Variants in NEMP1 observed in about 807,000 individuals in gnomAD.
The protein encoded by NEMP1 is nuclear envelope integral membrane protein 1.
A neutral mutation model predicts 53.7 loss-of-function variants in NEMP1; 29 were observed. The ratio of observed to expected loss-of-function variants is 0.54; its 90% CI spans 0.40 to 0.74. The LOEUF (loss-of-function observed/expected upper bound fraction) is 0.74. Among genes scored for constraint, NEMP1 ranks in the 30% least tolerant of loss-of-function variants. NEMP1 has a pLI of 0.00. For missense variants in NEMP1, 477 were observed against 528.6 expected (o/e 0.90, Z 0.96); for synonymous variants, 193 against 192.9 (o/e 1.00, Z 0.00).
intron 1 of NEMP1, among the ~76,000 whole-genome samples, chr12:57,086,591 T>G (rs2033001791): frequency 6.6e-6 from 1 of 152,154 alleles, no homozygotes; most frequent in Non-Finnish European, 1.5e-5. Context: ...GGTCTCCGTC[T>G]TTGTCTTTGC....
chr12:57,063,343 A>G lies in NEMP1; in HGVS notation c.756T>C (p.Ser252=), dbSNP rs2031914073. ...TCATGAATCCAACTGTGAGGACATA[A>G]CCTATGAGAAGAGTTATCAGAAGAC... ...IWRCYWQYLL[S]YVLTVGFMSF... Residue 252 remains serine, a splice_region_variant and synonymous_variant, in exon 7 of 9, where the codon AGT becomes AGC. Coordinates refer to ENST00000300128, the MANE Select transcript of NEMP1 (RefSeq NM_001130963.2). The G allele has an allele frequency of 6.2e-7, 1 of 1,612,750 alleles. No individual in the cohort carries two copies. The highest frequency in any genetic ancestry group is 1.3e-5 in the African/African-American group (1 of 74,920).
upstream of NEMP1, among the ~76,000 whole-genome samples, chr12:57,082,959 T>C (rs2136528773): frequency 6.6e-6 from 1 of 152,206 alleles, no homozygotes; most frequent in Non-Finnish European, 1.5e-5. Context: ...AAGTCAAGAC[T>C]GCAATGAGCT....
intron 4 of NEMP1, among the ~76,000 whole-genome samples, chr12:57,065,521 C>CA (rs2032028516): frequency 7.4e-6 from 1 of 134,986 alleles, no homozygotes. Flanking sequence ...CTTGGTTCAT[C>CA]TTTTTTTTTT....
Position 57,073,117 on chromosome 12 carries a change from C to A in NEMP1, c.128-205G>T, listed in dbSNP as rs1592512996. On this transcript the variant is annotated intron_variant, in intron 1 of 8. Transcript: ENST00000300128. ...TTTAATTATTTAAATATTACACAGT[C>A]ATTCAGTCAGAAAAGTAATAATAAA... Among the ~76,000 whole-genome samples the A allele has an allele frequency of 2.0e-5, 3 of 151,418 alleles. No homozygotes were observed. The South Asian group carries it at 6.3e-4, about 32-fold the overall frequency.
At chr12:57,064,458 A>G (rs2031976128) in intron 5 of NEMP1, among the ~76,000 whole-genome samples, 188 bp downstream of exon 5, 2 of 152,214 alleles carry the variant, frequency 1.3e-5, no homozygotes, top group South Asian at 4.1e-4. Flanking sequence ...AGGATTTTAT[A>G]TAAAAAGAAA....
At chr12:57,085,984 C>T (rs1248818627) in intron 1 of NEMP1, among the ~76,000 whole-genome samples, 1 of 152,098 alleles carries the variant, frequency 6.6e-6, no homozygotes, top group East Asian at 1.9e-4. Flanking sequence ...TCCTGGATTT[C>T]GGCTGAAACA....
In NEMP1 at chr12:57,078,698, C is replaced by T; in HGVS notation, c.48G>A (p.Gly16=). 6.2e-7 allele frequency: 1 copy of T among 1,613,510 alleles called. No homozygotes were observed. Among genetic ancestry groups the T allele is most frequent in the South Asian group, 1.1e-5 (1 of 90,968 alleles). The part of the protein sequence containing the change: ...KVAVSPAVGP[G]PWGSGVGGGG... Reference sequence around the variant, plus strand: ...CGCCCCCGACTCCCGAGCCCCAGGGCCCGGGACCAACTGCCGGCGAGACCG... The same window carrying T: ...CGCCCCCGACTCCCGAGCCCCAGGGTCCGGGACCAACTGCCGGCGAGACCG... The change falls in exon 1 of 9, where the codon GGG becomes GGA. Residue 16 remains glycine (G), a synonymous_variant. Transcript: ENST00000300128.
At chr12:57,078,345 GCTTCT>G (rs1373533402) in intron 1 of NEMP1, among the ~76,000 whole-genome samples, 2 of 152,096 alleles carry the variant, frequency 1.3e-5, no homozygotes, top group African/African-American at 4.8e-5. Context: ...CCCCAGGACT[GCTTCT>G]CAACCAGTCT....
chr12:57,072,157 G>A (rs1249856643), intron 2 of NEMP1, among the ~76,000 whole-genome samples: 1 of 152,174 alleles, frequency 6.6e-6, no homozygotes, highest in East Asian at 1.9e-4. Context: ...AAAGAAGGGG[G>A]CTGGGTGCGA....
intron 1 of NEMP1, among the ~76,000 whole-genome samples, chr12:57,084,450 A>C (rs1483144367): frequency 6.6e-6 from 1 of 152,104 alleles, no homozygotes; most frequent in East Asian, 1.9e-4. Context: ...CCCCTCAGCC[A>C]ATCAATCAAG....
At chr12:57,082,536 G>GAA (rs1323478956), upstream of NEMP1, among the ~76,000 whole-genome samples, 5 of 149,238 alleles carry the variant, frequency 3.4e-5, no homozygotes, top group South Asian at 2.1e-4. Flanking sequence ...AACATAGTAG[G>GAA]ACTCTGTCTT....
At chr12:57,060,974 C>T in intron 7 of NEMP1, 29 bp from the exon 8 acceptor site, 1 of 1,605,010 alleles carries the variant, frequency 6.2e-7, no homozygotes, top group Non-Finnish European at 8.5e-7. Flanking sequence ...CATTATGAAT[C>T]ATTAATCAGT....
chr12:57,063,924 G>C, intron 6 of NEMP1, 147 bp downstream of exon 6: 1 of 533,450 alleles, frequency 1.9e-6, no homozygotes, highest in South Asian at 2.3e-5. Context: ...AGAGGGATTA[G>C]AAATAAGTGA....
At chr12:57,077,747 T>C (rs1488637694) in intron 1 of NEMP1, among the ~76,000 whole-genome samples, 3 of 152,116 alleles carry the variant, frequency 2.0e-5, no homozygotes, top group Non-Finnish European at 4.4e-5. Context: ...TCTGCCTGCT[T>C]CTTTATACTT....
chr12:57,069,966 G>A (rs1012926189), intron 3 of NEMP1, among the ~76,000 whole-genome samples: 1 of 151,760 alleles, frequency 6.6e-6, no homozygotes, highest in East Asian at 1.9e-4. Flanking sequence ...CCAACCCTAC[G>A]TAACCAAAGA....
intron 2 of NEMP1, among the ~76,000 whole-genome samples, chr12:57,072,320 A>G (rs1002674094): frequency 5.3e-5 from 8 of 152,096 alleles, no homozygotes; most frequent in Non-Finnish European, 1.2e-4. Flanking sequence ...TATGCCTGTA[A>G]TCCCAGCTAC....
chr12:57,086,498 A>G (rs753918466), intron 1 of NEMP1, among the ~76,000 whole-genome samples: 7 of 136,816 alleles, frequency 5.1e-5, no homozygotes, highest in Non-Finnish European at 9.4e-5. Flanking sequence ...AAATTTTTGT[A>G]TTTGTCCCCA....
intron 6 of NEMP1, 148 bp from the exon 7 acceptor site, chr12:57,063,492 A>C: frequency 3.0e-6 from 2 of 675,856 alleles, no homozygotes; most frequent in Non-Finnish European, 4.9e-6. Context: ...TTTTCTTAGA[A>C]TATATTTCTC....
chr12:57,060,917 C>G lies in NEMP1; in HGVS notation c.1009G>C (p.Val337Leu), dbSNP rs766344890. The change falls in exon 8 of 9, where the codon GTT becomes CTT. Residue 337 changes from valine to leucine, a missense_variant. Transcript: ENST00000300128. ...TCTTCTGTCAGGAGACGAGGGGGAA[C>G]AGGCTTTTCTGCTCCCTTACACACC... The part of the protein sequence containing the change: ...RKVCKGAEKP[V>L]PPRLLTEEEY... 1 of 1,614,060 alleles carries G rather than the reference C, an allele frequency of 6.2e-7. No homozygotes were observed. Among genetic ancestry groups the G allele is most frequent in the African/African-American group, 1.3e-5 (1 of 75,048 alleles).
Sources: allele counts gnomAD v4.1 joint callset (sites outside exome capture counted in the v4.1 genomes callset), GRCh38; gene constraint gnomAD v4.1.1; transcripts MANE v1.5; gene names NCBI Gene and HGNC (gene_info 2026-07-23, HGNC 2026-07-21).